CYFIP1: variants seen among roughly 807,000 people sequenced by gnomAD.
CYFIP1 encodes cytoplasmic FMR1 interacting protein 1, also known as cytoplasmic FMR1-interacting protein 1.
Under a neutral mutation model 163.5 loss-of-function variants are expected in CYFIP1, and 58 were observed. The ratio of observed to expected loss-of-function variants is 0.35; its 90% CI spans 0.29 to 0.44. The LOEUF (loss-of-function observed/expected upper bound fraction) is 0.44. Ranked by LOEUF, CYFIP1 falls within the 20% of genes least tolerant of loss-of-function variation. The pLI is 1.00. For missense variants in CYFIP1, 1,338 were observed against 1,653.8 expected (o/e 0.81, Z 3.31); for synonymous variants, 663 against 660.7 (o/e 1.00, Z -0.05).
intron 17 of CYFIP1, among the ~76,000 whole-genome samples, chr15:22,913,545 A>G (rs1305874503): frequency 2.0e-5 from 3 of 147,754 alleles, no homozygotes; most frequent in Non-Finnish European, 3.0e-5. Context: ...AAAAAAAAAA[A>G]AAAAAAGAAA....
At chr15:22,975,692 G>C (rs1328608506) in intron 1 of CYFIP1, among the ~76,000 whole-genome samples, 1 of 152,168 alleles carries the variant, frequency 6.6e-6, no homozygotes, top group Admixed American at 6.6e-5. Context: ...CCAGGAGGCA[G>C]AGGTTGCAGT....
Position 22,869,112 on chromosome 15 carries a change from G to A in CYFIP1, c.*916C>T. 6.6e-6 allele frequency: 1 copy of A among 152,340 alleles called. No homozygotes were observed. Among genetic ancestry groups the A allele is most frequent in the South Asian group, 2.1e-4 (1 of 4,830 alleles). The allele number at this position is 152,340 out of a possible 1,614,324, so 9.4% of individuals were successfully genotyped here. ...GTGGATCGGGGACAGCTGAAGGCTG[G>A]ACTCGGTGCTCCCGGTCCCTTTGTG... On this transcript the variant is annotated 3_prime_UTR_variant, in exon 31 of 31. Coordinates refer to ENST00000617928, the MANE Select transcript of CYFIP1 (RefSeq NM_014608.6).
At position 22,970,939 on chromosome 15, in the gene CYFIP1, G is replaced by A. The variant is rs571262332; in HGVS notation, c.-7+9348C>T. Among the ~76,000 whole-genome samples, 3 of 152,198 alleles carry A rather than the reference G, an allele frequency of 2.0e-5. No individual in the cohort carries two copies. The South Asian group carries it at 6.2e-4, about 32-fold the overall frequency. On this transcript the variant is annotated intron_variant, in intron 1 of 30. Transcript: ENST00000617928. ...AAAATACAAAAAATTAGCTGGGTGT[G>A]GTGGCGGGGGCCTGTAATCCCAGCT...
Position 22,917,767 on chromosome 15 carries a change from C to A in CYFIP1, c.1674+21G>T. On this transcript the variant is annotated intron_variant, in intron 15 of 30. Transcript: ENST00000617928. The surrounding 1 kb of genome is among the most constrained non-coding windows in gnomAD (Gnocchi z 4.2). ...GGTCCCCCCAGGGAGAGGGTGCAGGCGGGGCTCAAGGGACGAGAACCTGAG... is the reference window on the plus strand; with the variant it reads ...GGTCCCCCCAGGGAGAGGGTGCAGGAGGGGCTCAAGGGACGAGAACCTGAG... 1 of 1,580,978 alleles carries A rather than the reference C, an allele frequency of 6.3e-7. No homozygotes were observed. The highest frequency in any genetic ancestry group is 8.6e-7 in the Non-Finnish European group (1 of 1,163,626).
In CYFIP1 at chr15:22,873,504, CGTGT is replaced by C; in HGVS notation, c.3432_3435del (p.His1145SerfsTer18). 1 of 1,613,474 alleles carries C rather than the reference CGTGT, an allele frequency of 6.2e-7. No individual in the cohort carries two copies. Among genetic ancestry groups the C allele is most frequent in the Non-Finnish European group, 8.5e-7 (1 of 1,179,408 alleles). On this transcript the variant is annotated frameshift_variant, in exon 29 of 31. Transcript: ENST00000617928. LOFTEE classifies it high-confidence loss of function. ...GCACACACTTACTCGACTGTGAACTCGTGTGTCCCCACGGGAATGCAGTAGACAA... is the reference window on the plus strand; with the variant it reads ...GCACACACTTACTCGACTGTGAACTCGTCCCCACGGGAATGCAGTAGACAA...
At chr15:22,933,039 G>A (rs1187704032) in intron 10 of CYFIP1, among the ~76,000 whole-genome samples, 1 of 151,850 alleles carries the variant, frequency 6.6e-6, no homozygotes, top group Non-Finnish European at 1.5e-5. Flanking sequence ...TCACTGTGTT[G>A]CCCAGGCTGG....
upstream of CYFIP1, among the ~76,000 whole-genome samples, chr15:22,980,699 CGGGTCAGGGCGG>C (rs1033057124): frequency 1.4e-4 from 21 of 151,948 alleles, no homozygotes; most frequent in African/African-American, 4.3e-4. Context: ...GGGGCTCCAC[CGGGTCAGGGCGG>C]GGGTTGGCCT....
Position 22,892,995 on chromosome 15 carries a change from A to T in CYFIP1, c.2589-18T>A, listed in dbSNP as rs771766653. ...GAACAAACCTAAACAAGAAAGATTT[A>T]AAAAAGAAAAAGAAACCAAATTTAA... On this transcript the variant is annotated intron_variant, in intron 22 of 30. Transcript: ENST00000617928. The T allele has an allele frequency of 6.3e-7, 1 of 1,587,774 alleles. No individual in the cohort carries two copies.
In CYFIP1 at chr15:22,952,431, G is replaced by A. The variant is rs567563138; in HGVS notation, c.-6-5140C>T. ...GGCACTTCAGGAGGCCGAGGCGGGCGAATCACGAGGTCAGGAGTTCGAGAC... is the reference window on the plus strand; with the variant it reads ...GGCACTTCAGGAGGCCGAGGCGGGCAAATCACGAGGTCAGGAGTTCGAGAC... On this transcript the variant is annotated intron_variant, in intron 1 of 30. Transcript: ENST00000617928. 2.1e-4 allele frequency among the ~76,000 whole-genome samples: 32 copies of A among 152,004 alleles called. No homozygotes were observed. The East Asian group carries it at 5.0e-3, about 24-fold the overall frequency.
At position 22,917,949 on chromosome 15, in the gene CYFIP1, C is replaced by G. The variant is rs760858297; in HGVS notation, c.1527-14G>C. The G allele has an allele frequency of 6.2e-7, 1 of 1,610,986 alleles. No individual in the cohort carries two copies. The highest frequency in any genetic ancestry group is 8.5e-7 in the Non-Finnish European group (1 of 1,178,730). ...GCCTGCAGGACACTGAACACCCCAC[C>G]AAGTGATCAGCAAGGCCCAGAGGCC... On this transcript the variant is annotated splice_polypyrimidine_tract_variant and intron_variant, in intron 14 of 30. Transcript: ENST00000617928. The surrounding 1 kb of genome is among the most constrained non-coding windows in gnomAD (Gnocchi z 4.2).
At chr15:22,889,759 T>A (rs755268441) in intron 23 of CYFIP1, among the ~76,000 whole-genome samples, 1 of 152,156 alleles carries the variant, frequency 6.6e-6, no homozygotes, top group Non-Finnish European at 1.5e-5. Context: ...CCTACTTTAT[T>A]GTTATGCCTA....
intron 1 of CYFIP1, among the ~76,000 whole-genome samples, chr15:22,961,498 C>T (rs1464894813): frequency 2.0e-5 from 3 of 152,166 alleles, no homozygotes; most frequent in South Asian, 2.1e-4. Flanking sequence ...CCCACCTCAG[C>T]CCCCCAGGTA....
intron 11 of CYFIP1, among the ~76,000 whole-genome samples, chr15:22,931,686 GAAAAAAAA>G (rs766177290): frequency 5.3e-4 from 21 of 39,720 alleles, no homozygotes; most frequent in Non-Finnish European, 8.5e-4. Flanking sequence ...ATGTTTTTCT[GAAAAAAAA>G]AAAAAAAAAA....
chr15:22,903,649 G>C, intron 22 of CYFIP1, 57 bp downstream of exon 22: 1 of 1,577,072 alleles, frequency 6.3e-7, no homozygotes, highest in Non-Finnish European at 8.7e-7. Flanking sequence ...GAAGCCTGCG[G>C]GGACATGGGT....
At chr15:22,907,213 G>A (rs1045018101) in intron 21 of CYFIP1, among the ~76,000 whole-genome samples, 2 of 152,178 alleles carry the variant, frequency 1.3e-5, no homozygotes, top group African/African-American at 4.8e-5. Context: ...CTCATCTCAG[G>A]CATCTTTGAA....
intron 1 of CYFIP1, among the ~76,000 whole-genome samples, chr15:22,957,659 T>A (rs2062524096): frequency 6.6e-6 from 1 of 152,150 alleles, no homozygotes. Context: ...TGTTACAACT[T>A]GTAAGCATTC....
chr15:22,933,949 A>G (rs996368825), intron 9 of CYFIP1, 56 bp from the exon 10 acceptor site: 52 of 1,293,106 alleles, frequency 4.0e-5, no homozygotes, highest in Non-Finnish European at 5.3e-5. Flanking sequence ...CACCAAATAC[A>G]TAAGCACAAG....
At chr15:22,892,026 G>C (rs996603154) in intron 23 of CYFIP1, among the ~76,000 whole-genome samples, 7 of 152,176 alleles carry the variant, frequency 4.6e-5, no homozygotes, top group African/African-American at 1.7e-4. Flanking sequence ...AGTGCTGGCA[G>C]CCTGCCCCCA....
In CYFIP1 at chr15:22,892,916, G is replaced by C; in HGVS notation, c.2650C>G (p.Gln884Glu). Residue 884 changes from glutamine (Q) to glutamate (E), a missense_variant, in exon 23 of 31, where the codon CAG (glutamine) becomes GAG (glutamate). Gln to Glu is a conservative substitution (Grantham distance 29). Transcript: ENST00000617928. ...EFQRDKQPNA[Q>E]PQYLHGSKAL... ...TTGGATCCATGCAGATACTGAGGCTGTGCATTAGGCTGCTTATCTCTTTGA... is the reference window on the plus strand; with the variant it reads ...TTGGATCCATGCAGATACTGAGGCTCTGCATTAGGCTGCTTATCTCTTTGA... 1 of 1,613,406 alleles carries C rather than the reference G, an allele frequency of 6.2e-7. No individual in the cohort carries two copies.
Sources: gnomAD v4.1 joint callset for allele counts (sites outside exome capture counted in the v4.1 genomes callset) on GRCh38, gnomAD v4.1.1 for gene constraint, Gnocchi (gnomAD v3.1) non-coding constraint, MANE v1.5 for transcripts, NCBI Gene and HGNC (gene_info 2026-07-23, HGNC 2026-07-21) for gene names.